ZNF682: variants seen among roughly 807,000 people sequenced by gnomAD.
The protein encoded by ZNF682 is zinc finger protein 682.
Under a neutral mutation model 36.5 loss-of-function variants are expected in ZNF682, and 29 were observed. The ratio of observed to expected loss-of-function variants is 0.80; its 90% CI spans 0.59 to 1.08. The LOEUF (loss-of-function observed/expected upper bound fraction) is 1.08, where lower values mean the gene tolerates loss of function less well. Among genes scored for constraint, ZNF682 ranks in the 50% least tolerant of loss-of-function variants. The pLI is 0.00. For missense variants in ZNF682, 561 were observed against 579.7 expected, an observed-to-expected ratio of 0.97 and a Z score of 0.33; for synonymous variants, 180 against 197.0, an observed-to-expected ratio of 0.91 and a Z score of 0.72.
In ZNF682 at chr19:20,039,416, G is replaced by C. The variant is rs145615083; in HGVS notation, c.-71C>G. On this transcript the variant is annotated 5_prime_UTR_variant, in exon 1 of 4. Coordinates refer to ENST00000397165, the MANE Select transcript of ZNF682 (RefSeq NM_033196.3). ...AGCATCTGCAAGTCAGAGGGCAACA[G>C]AGGCTGCGACAGTCACCGGGAACTA... The C allele has an allele frequency of 2.3e-4, 376 of 1,600,920 alleles. 5 individuals are homozygous for C. In the East Asian group the frequency reaches 7.2e-3, roughly 31 times the overall value.
chr19:20,001,291 T>C (rs1727914605), downstream of ZNF682, among the ~76,000 whole-genome samples: 1 of 152,164 alleles, frequency 6.6e-6, no homozygotes, highest in Non-Finnish European at 1.5e-5. Flanking sequence ...TCTCCAAAAC[T>C]TAAAAGCCAA....
chr19:19,999,525 TTTTTC>T (rs1440335572), downstream of ZNF682, among the ~76,000 whole-genome samples: 1 of 152,132 alleles, frequency 6.6e-6, no homozygotes, highest in Non-Finnish European at 1.5e-5. Context: ...TGCATGTTTC[TTTTTC>T]TTTTCTTTCT....
At chr19:19,998,057 C>A (rs2122278427) in intron 3 of ZNF682, among the ~76,000 whole-genome samples, 1 of 152,304 alleles carries the variant, frequency 6.6e-6, no homozygotes. Flanking sequence ...CTTACACTCA[C>A]CCTGTGCCAG....
chr19:20,014,640 C>A (rs1310792825), intron 3 of ZNF682, among the ~76,000 whole-genome samples: 1 of 150,582 alleles, frequency 6.6e-6, no homozygotes, highest in Non-Finnish European at 1.5e-5. Context: ...ATTAGCCAGG[C>A]GTGGTGGCAC....
intron 1 of ZNF682, among the ~76,000 whole-genome samples, chr19:20,025,470 G>C (rs1370331019): frequency 1.3e-5 from 2 of 152,156 alleles, no homozygotes; most frequent in African/African-American, 4.8e-5. Context: ...GAGGTCAGGA[G>C]ATCGAGGCCA....
At chr19:20,022,115 A>G (rs538146354) in intron 3 of ZNF682, among the ~76,000 whole-genome samples, 8 of 151,098 alleles carry the variant, frequency 5.3e-5, no homozygotes, top group African/African-American at 1.9e-4. Context: ...GGTTGCAGTG[A>G]GCCAAGATGG....
intron 3 of ZNF682, chr19:20,015,115 GCA>G: frequency 1.3e-6 from 1 of 764,582 alleles, no homozygotes; most frequent in Non-Finnish European, 1.6e-6. Context: ...TATGTATTTT[GCA>G]CAATTAAAAA....
At chr19:20,015,943 T>C (rs1039374916) in intron 3 of ZNF682, 1 of 390,032 alleles carries the variant, frequency 2.6e-6, no homozygotes, top group African/African-American at 2.1e-5. Flanking sequence ...GAATAAATTA[T>C]GCTATCATTC....
At chr19:20,021,589 A>G (rs1352896935) in intron 3 of ZNF682, among the ~76,000 whole-genome samples, 1 of 152,216 alleles carries the variant, frequency 6.6e-6, no homozygotes, top group Admixed American at 6.5e-5. Flanking sequence ...TACATATACA[A>G]AATCATTACA....
At chr19:20,017,365 C>T (rs2088343427) in intron 3 of ZNF682, among the ~76,000 whole-genome samples, 1 of 151,960 alleles carries the variant, frequency 6.6e-6, no homozygotes, top group Non-Finnish European at 1.5e-5. Flanking sequence ...TGACAGGATA[C>T]AAAAATATAT....
At chr19:20,021,494 A>C (rs1268896915) in intron 3 of ZNF682, among the ~76,000 whole-genome samples, 1 of 151,902 alleles carries the variant, frequency 6.6e-6, no homozygotes, top group Non-Finnish European at 1.5e-5. Flanking sequence ...AAAAGAAAGA[A>C]AACAAAAAAC....
rs1395974963 is a variant in ZNF682 at position 20,006,052 on chromosome 19, T to C, written c.1450A>G (p.Lys484Glu). 6.2e-7 allele frequency: 1 copy of C among 1,608,426 alleles called. No homozygotes were observed. Among genetic ancestry groups the C allele is most frequent in the Non-Finnish European group, 8.5e-7 (1 of 1,176,648 alleles). ...TGATTAAAAGCTTCCCCACATTTTTTATACTTGCAGGATTTCTCTCCTCTT... is the reference window on the plus strand; with the variant it reads ...TGATTAAAAGCTTCCCCACATTTTTCATACTTGCAGGATTTCTCTCCTCTT... ...VQRGEKSCKY[K>E]KCGEAFNHCS... is the part of the protein sequence containing the mutation. The change falls in exon 4 of 4, where the codon AAA (lysine) becomes GAA (glutamate). Residue 484 changes from lysine (K) to glutamate (E), a missense_variant. Coordinates refer to ENST00000397165, the MANE Select transcript of ZNF682 (RefSeq NM_033196.3).
At chr19:20,038,282 T>C (rs2088551606) in intron 1 of ZNF682, among the ~76,000 whole-genome samples, 1 of 151,946 alleles carries the variant, frequency 6.6e-6, no homozygotes, top group Non-Finnish European at 1.5e-5. Context: ...TGTTTGCAAA[T>C]GAAAAACAAT....
At chr19:20,029,260 CG>C (rs2088458790) in intron 1 of ZNF682, among the ~76,000 whole-genome samples, 1 of 151,414 alleles carries the variant, frequency 6.6e-6, no homozygotes, top group Admixed American at 6.6e-5. Flanking sequence ...GGATTACAGA[CG>C]TGAGTCACCG....
In ZNF682 at chr19:20,015,414, A is replaced by G. The variant is rs1470196985; in HGVS notation, c.226+7590T>C. 4.1e-6 allele frequency: 4 copies of G among 984,468 alleles called. No individual in the cohort carries two copies. In the African/African-American group the frequency reaches 7.0e-5, roughly 17 times the overall value. 61.0% of individuals were successfully genotyped at this position (984,468 alleles called of 1,614,324 possible). On this transcript the variant is annotated intron_variant, in intron 3 of 3. Coordinates refer to ENST00000397165, the MANE Select transcript of ZNF682 (RefSeq NM_033196.3). ...CTGATTCATATCTGACTTTTGCCTC[A>G]CACTGTCTTAAAATGTACAGAGCTG...
intron 1 of ZNF682, among the ~76,000 whole-genome samples, chr19:20,028,682 A>C: frequency 1.3e-5 from 2 of 152,306 alleles, no homozygotes; most frequent in East Asian, 3.9e-4. Flanking sequence ...CCAAAATAAA[A>C]ACCACCAATC....
chr19:20,018,118 G>T (rs1410585158), intron 3 of ZNF682, among the ~76,000 whole-genome samples: 19 of 99,792 alleles, frequency 1.9e-4, no homozygotes, highest in African/African-American at 7.7e-4. Flanking sequence ...TTTTGAGACG[G>T]AGTCTCGCTC....
At chr19:20,028,146 C>T (rs1012005346) in intron 1 of ZNF682, among the ~76,000 whole-genome samples, 1 of 152,136 alleles carries the variant, frequency 6.6e-6, no homozygotes, top group Non-Finnish European at 1.5e-5. Context: ...CTAAGAATTG[C>T]CTCTTAAACT....
downstream of ZNF682, among the ~76,000 whole-genome samples, chr19:19,995,283 G>C (rs2088123331): frequency 6.6e-6 from 1 of 152,212 alleles, no homozygotes; most frequent in South Asian, 2.1e-4. Context: ...ACACTCACCA[G>C]ACTGTATATA....
Sources: gnomAD v4.1 joint callset for allele counts (sites outside exome capture counted in the v4.1 genomes callset) on GRCh38, gnomAD v4.1.1 for gene constraint, MANE v1.5 for transcripts, NCBI Gene and HGNC (gene_info 2026-07-23, HGNC 2026-07-21) for gene names.